The following TTN variants were observed in gnomAD, a reference collection of about 807,000 sequenced individuals.
TTN encodes connectin.
TTN carries 1,525 observed loss-of-function variants against 3,223.0 expected under a neutral mutation model. The ratio of observed to expected loss-of-function variants is 0.47; its 90% CI spans 0.45 to 0.49. The LOEUF (loss-of-function observed/expected upper bound fraction) is 0.49, where lower values mean the gene tolerates loss of function less well. Ranked by LOEUF, TTN falls within the 20% of genes least tolerant of loss-of-function variation. TTN has a pLI of 0.00. For missense variants in TTN, 40,786 were observed against 43,424.0 expected, an observed-to-expected ratio of 0.94 and a Z score of 5.40; for synonymous variants, 14,094 against 15,161.0, an observed-to-expected ratio of 0.93 and a Z score of 5.17.
rs1035354584 is a variant in TTN, at chr2:178,737,978, C to G, written c.14371+104G>C. On this transcript the variant is annotated intron_variant, in intron 49 of 362. Coordinates refer to ENST00000589042, the MANE Select transcript of TTN (RefSeq NM_001267550.2). ...CCATGTTACTGTCTTGGTTGTTGGT[C>G]TCTCCAGTTGGTAATACAAGCATTT... 52 of 1,453,086 alleles carry G rather than the reference C, an allele frequency of 3.6e-5. No individual in the cohort carries two copies. In the African/African-American group the frequency reaches 7.0e-4, roughly 20 times the overall value. The allele number at this position is 1,453,086 out of a possible 1,614,324, so 90.0% of individuals were successfully genotyped here.
In TTN at chr2:178,602,433, A is replaced by T. The variant is rs765413044; in HGVS notation, c.54969T>A (p.Asn18323Lys). 1.9e-6 allele frequency: 3 copies of T among 1,612,542 alleles called. No homozygotes were observed. The highest frequency in any genetic ancestry group is 2.5e-6 in the Non-Finnish European group (3 of 1,179,178). ...AGGTAGTTATAAGTTTGTCTGGTTC[A>T]TTTACTCTTTTCCAGTCAGTAGTAC... ...EEGTTDWKRV[N>K]EPDKLITTCE... is the part of the protein sequence containing the mutation. Residue 18323 changes from asparagine (N) to lysine (K), a missense_variant, in exon 283 of 363, where the codon AAT becomes AAA. Physicochemically the swap from Asn to Lys is moderately conservative, Grantham distance 94 (BLOSUM62 0). Coordinates refer to ENST00000589042, the MANE Select transcript of TTN (RefSeq NM_001267550.2).
At chr2:178,610,503 T>G in intron 270 of TTN, 114 bp from the exon 271 acceptor site, 1 of 1,129,490 alleles carries the variant, frequency 8.9e-7, no homozygotes, top group Non-Finnish European at 1.3e-6. Context: ...TTTGATGTGC[T>G]GGAGTGTCAT....
Position 178,704,728 on chromosome 2 carries a change from T to G in TTN, c.29744A>C (p.Asn9915Thr). 1 of 1,611,082 alleles carries G rather than the reference T, an allele frequency of 6.2e-7. No individual in the cohort carries two copies. ...DIENQTVLKDNDAVFEIDIKI... is the reference protein window; with the variant it reads ...DIENQTVLKDTDAVFEIDIKI... ...AATGTCAATTTCAAAGACAGCATCA[T>G]TATCTTTCAAAACTGTCTGATTTTC... is the stretch of plus-strand genomic sequence containing the variant. The change falls in exon 105 of 363, where the codon AAT (asparagine) becomes ACT (threonine). Residue 9915 changes from asparagine to threonine, a missense_variant. Physicochemically the swap from Asn to Thr is moderately conservative, Grantham distance 65. Coordinates refer to ENST00000589042, the MANE Select transcript of TTN (RefSeq NM_001267550.2).
At chr2:178,772,287 A>G (rs2091633431) in intron 33 of TTN, among the ~76,000 whole-genome samples, 1 of 152,210 alleles carries the variant, frequency 6.6e-6, no homozygotes, top group Non-Finnish European at 1.5e-5. Flanking sequence ...AACGTAAGTA[A>G]GTATAAACCA....
In TTN at chr2:178,543,318, C is replaced by G. The variant is rs398124460; in HGVS notation, c.96655G>C (p.Val32219Leu). The change falls in exon 347 of 363, where the codon GTT (valine) becomes CTT (leucine). Residue 32219 changes from valine (V) to leucine (L), a missense_variant. Transcript: ENST00000589042. ...LEVVDVTKSTVTLAWEKPLYD... is the reference protein window; with the variant it reads ...LEVVDVTKSTLTLAWEKPLYD... The stretch of plus-strand genomic sequence containing the variant: ...AGTGGTTTTTCCCAGGCAAGGGTAA[C>G]AGTGGATTTGGTGACATCGACCACT... 1 of 1,613,806 alleles carries G rather than the reference C, an allele frequency of 6.2e-7. No homozygotes were observed. The highest frequency in any genetic ancestry group is 8.5e-7 in the Non-Finnish European group (1 of 1,179,798).
At position 178,702,645 on chromosome 2, in the gene TTN, G is replaced by C. The variant is rs1306890743; in HGVS notation, c.30242C>G (p.Thr10081Arg). Residue 10081 changes from threonine (T) to arginine (R), a missense_variant, in exon 107 of 363, where the codon ACA becomes AGA. Thr to Arg is a moderately conservative substitution (Grantham distance 71, BLOSUM62 -1). Transcript: ENST00000589042. Reference sequence around the variant, plus strand: ...CACCACGATGTTCTGTATGCGCTTTGTAAACTGAATTGGTTCAGCTGTTTA... The same window carrying C: ...CACCACGATGTTCTGTATGCGCTTTCTAAACTGAATTGGTTCAGCTGTTTA... The part of the protein sequence containing the change: ...LRIEAEPIQF[T>R]KRIQNIVVSE... 1.2e-6 allele frequency: 2 copies of C among 1,613,274 alleles called. No homozygotes were observed. Among genetic ancestry groups the C allele is most frequent in the African/African-American group, 1.3e-5 (1 of 74,896 alleles).
intron 336 of TTN, 120 bp from the exon 337 acceptor site, chr2:178,550,393 C>T (rs1212597725): frequency 2.6e-6 from 2 of 771,268 alleles, no homozygotes; most frequent in Non-Finnish European, 3.9e-6. Context: ...TACTGTGCTA[C>T]CAAAGCCTAT....
At position 178,782,920 on chromosome 2, in the gene TTN, C is replaced by T; in HGVS notation, c.2986G>A (p.Gly996Arg). 1 of 1,614,116 alleles carries T rather than the reference C, an allele frequency of 6.2e-7. No homozygotes were observed. The highest frequency in any genetic ancestry group is 8.5e-7 in the Non-Finnish European group (1 of 1,180,000). Residue 996 changes from glycine (G) to arginine (R), a missense_variant, in exon 18 of 363, where the codon GGA (glycine) becomes AGA (arginine). Gly to Arg is a moderately radical substitution (Grantham distance 125). Transcript: ENST00000589042. ...SIDFQITFQSGIARLMIREAF... is the reference protein window; with the variant it reads ...SIDFQITFQSRIARLMIREAF... ...TCGCGAATCATAAGACGAGCAATTC[C>T]ACTCTGGAAGGTTATCTGGAAGTCA...
chr2:178,797,011 C>A (rs1230118639), intron 6 of TTN, among the ~76,000 whole-genome samples: 4 of 152,112 alleles, frequency 2.6e-5, no homozygotes, highest in Non-Finnish European at 4.4e-5. Context: ...CATTTTATTT[C>A]TTAATTATTG....
rs369508943 is a variant in TTN at position 178,721,097 on chromosome 2, G to A, written c.22922C>T (p.Ser7641Leu). Reference protein sequence around the residue: ...KISGSPEIKVSWFRNDSELHE... With the variant: ...KISGSPEIKVLWFRNDSELHE... ...AAGTTCGCTGTCATTTCGGAACCAT[G>A]AAACTTTGATTTCTGGGGAGCCACT... The change falls in exon 79 of 363, where the codon TCA (serine) becomes TTA (leucine). Residue 7641 changes from serine to leucine, a missense_variant. By Grantham distance (145) the Ser-to-Leu change is moderately radical. Transcript: ENST00000589042. The A allele has an allele frequency of 7.1e-5, 115 of 1,613,182 alleles. No homozygotes were observed. Among genetic ancestry groups the A allele is most frequent in the Non-Finnish European group, 9.2e-5 (109 of 1,179,378 alleles).
At position 178,577,427 on chromosome 2, in the gene TTN, T is replaced by C; in HGVS notation, c.68908A>G (p.Ser22970Gly). The C allele has an allele frequency of 2.5e-6, 4 of 1,610,996 alleles. No individual in the cohort carries two copies. Among genetic ancestry groups the C allele is most frequent in the Non-Finnish European group, 2.5e-6 (3 of 1,178,332 alleles). Residue 22970 changes from serine (S) to glycine (G), a missense_variant, in exon 324 of 363, where the codon AGC becomes GGC. By Grantham distance (56) the Ser-to-Gly change is moderately conservative (BLOSUM62 0). Coordinates refer to ENST00000589042, the MANE Select transcript of TTN (RefSeq NM_001267550.2). ...TTTGGAAGGGGTTTGCCAAGAATGC[T>C]AATGGCATTCAAAACAATGGTATCC... ...AGDTIVLNAISILGKPLPKSS... is the reference protein window; with the variant it reads ...AGDTIVLNAIGILGKPLPKSS...
chr2:178,682,008 GT>G (rs1307852343), intron 135 of TTN, among the ~76,000 whole-genome samples: 2 of 151,620 alleles, frequency 1.3e-5, no homozygotes, highest in South Asian at 4.2e-4. Flanking sequence ...CTATAATATG[GT>G]TTTTTTAAAG....
rs547439339 is a variant in TTN at position 178,547,606 on chromosome 2, T to C, written c.94020A>G (p.Glu31340=). ...WGEPKDGGGT[E]ITNYIVEKRE... is the part of the protein sequence containing the mutation. ...GCTTTTCAACTATGTAATTAGTAAT[T>C]TCAGTGCCTCCTCCATCTTTAGGTT... Residue 31340 remains glutamate, a synonymous_variant, in exon 339 of 363, where the codon GAA becomes GAG. Coordinates refer to ENST00000589042, the MANE Select transcript of TTN (RefSeq NM_001267550.2). The C allele has an allele frequency of 5.0e-6, 8 of 1,613,860 alleles. No individual in the cohort carries two copies. The East Asian group carries it at 1.6e-4, about 31-fold the overall frequency.
At position 178,729,743 on chromosome 2, in the gene TTN, T is replaced by C. The variant is rs761425332; in HGVS notation, c.18510A>G (p.Val6170=). 2.5e-6 allele frequency: 4 copies of C among 1,613,798 alleles called. No homozygotes were observed. In the East Asian group the frequency reaches 8.9e-5, roughly 36 times the overall value. Residue 6170 remains valine (V), a synonymous_variant, in exon 63 of 363, where the codon GTA becomes GTG. Coordinates refer to ENST00000589042, the MANE Select transcript of TTN (RefSeq NM_001267550.2). ...LATFQISGAR[V]ENSGTYVCEA... ...CACACACATAAGTCCCACTATTTTC[T>C]ACCCTGGCACCAGAAATCTGGAAAG... is the stretch of plus-strand genomic sequence containing the variant.
Position 178,766,561 on chromosome 2 carries a change from C to T in TTN, c.9523G>A (p.Val3175Ile), listed in dbSNP as rs762667276. 76 of 1,613,970 alleles carry T rather than the reference C, an allele frequency of 4.7e-5. 1 individual carries two copies. The South Asian group carries it at 8.3e-4, about 18-fold the overall frequency. ...VVEFEVNEDD[V>I]DAHWYKDGIE... is the part of the protein sequence containing the mutation. ...CCATCTTTATACCAGTGGGCATCAA[C>T]ATCGTCTTCATTGACCTCAAATTCA... The change falls in exon 41 of 363, where the codon GTT (valine) becomes ATT (isoleucine). Residue 3175 changes from valine (V) to isoleucine (I), a missense_variant. By Grantham distance (29) the Val-to-Ile change is conservative. Transcript: ENST00000589042.
Position 178,576,703 on chromosome 2 carries a change from T to TTTCTC in TTN, c.69536_69540dup (p.Lys23181GlufsTer9). The TTTCTC allele has an allele frequency of 6.2e-7, 1 of 1,613,522 alleles. No individual in the cohort carries two copies. Among genetic ancestry groups the TTTCTC allele is most frequent in the Non-Finnish European group, 8.5e-7 (1 of 1,179,630 alleles). ...GCTCTCACCCATCGCAGGCTTTTCT[T>TTTCTC]TTCTCTCCTTTCTACATGATATCCT... On this transcript the variant is annotated frameshift_variant, in exon 325 of 363. Transcript: ENST00000589042. LOFTEE classifies it high-confidence loss of function. This position sits in a 1 kb window ranked among gnomAD's most constrained non-coding sequence, Gnocchi z 4.3.
Position 178,535,192 on chromosome 2 carries a change from G to C in TTN, c.101423C>G (p.Ser33808Cys), listed in dbSNP as rs1010229231. The C allele has an allele frequency of 1.2e-6, 2 of 1,613,790 alleles. No individual in the cohort carries two copies. The highest frequency in any genetic ancestry group is 1.7e-6 in the Non-Finnish European group (2 of 1,179,856). Residue 33808 changes from serine to cysteine, a missense_variant, in exon 358 of 363, where the codon TCT becomes TGT. Ser to Cys is a moderately radical substitution (Grantham distance 112, BLOSUM62 -1). Transcript: ENST00000589042. Reference protein sequence around the residue: ...ETREVSMTKASHSSTKELYEK... With the variant: ...ETREVSMTKACHSSTKELYEK... ...ATAGAGTTCCTTGGTTGAAGAGTGA[G>C]ATGCTTTAGTCATGGAGACTTCCCT...
intron 47 of TTN, chr2:178,748,347 T>C: frequency 6.2e-7 from 1 of 1,613,220 alleles, no homozygotes; most frequent in Non-Finnish European, 8.5e-7. Flanking sequence ...ACCATAGTTC[T>C]ATTTGAAAGC....
Position 178,706,632 on chromosome 2 carries a change from G to T in TTN, c.29242C>A (p.His9748Asn). 1 of 1,613,870 alleles carries T rather than the reference G, an allele frequency of 6.2e-7. No individual in the cohort carries two copies. Among genetic ancestry groups the T allele is most frequent in the Non-Finnish European group, 8.5e-7 (1 of 1,179,844 alleles). ...AGTTTTGCTTCATCGCCTTTTTGGT[G>T]GATGAAAACACGACCTCCTTGGTTC... The part of the protein sequence containing the change: ...QLNQGGRVFI[H>N]QKGDEAKLEI... Residue 9748 changes from histidine to asparagine, a missense_variant, in exon 102 of 363, where the codon CAC becomes AAC. Transcript: ENST00000589042.
Sources: gnomAD v4.1 joint callset for allele counts (sites outside exome capture counted in the v4.1 genomes callset) on GRCh38, gnomAD v4.1.1 for gene constraint, Gnocchi (gnomAD v3.1) non-coding constraint, MANE v1.5 for transcripts, NCBI Gene and HGNC (gene_info 2026-07-23, HGNC 2026-07-21) for gene names.